HPSE2: variants seen among roughly 807,000 people sequenced by gnomAD.
The protein encoded by HPSE2 is heparanase 2 (inactive), also known as inactive heparanase-2.
In HPSE2, 38 loss-of-function variants were observed where a neutral mutation model predicts 60.5. The ratio of observed to expected loss-of-function variants is 0.63; its 90% CI spans 0.48 to 0.82. The LOEUF is 0.82. Among genes scored for constraint, HPSE2 ranks in the 40% least tolerant of loss-of-function variants. HPSE2 has a pLI of 0.00. For missense variants in HPSE2, 713 were observed against 740.4 expected (o/e 0.96, Z 0.43); for synonymous variants, 295 against 293.2 (o/e 1.01, Z -0.06).
At chr10:99,146,312 T>C (rs79086863) in intron 2 of HPSE2, among the ~76,000 whole-genome samples, 4 of 152,206 alleles carry the variant, frequency 2.6e-5, no homozygotes, top group Non-Finnish European at 5.9e-5. Context: ...TCATCTATTA[T>C]AGAGACTGAA....
At chr10:98,567,763 G>A (rs978516387) in intron 9 of HPSE2, among the ~76,000 whole-genome samples, 3 of 152,090 alleles carry the variant, frequency 2.0e-5, no homozygotes, top group African/African-American at 7.2e-5. Context: ...GTGTGTGTGT[G>A]TGTGTGTGTA....
intron 9 of HPSE2, among the ~76,000 whole-genome samples, chr10:98,531,709 T>C (rs1943136342): frequency 6.6e-6 from 1 of 152,166 alleles, no homozygotes. Flanking sequence ...TTTTTTGACC[T>C]CTATCCTGTG....
chr10:98,989,501 T>G (rs1280351921), intron 3 of HPSE2, among the ~76,000 whole-genome samples: 111 of 96,656 alleles, frequency 1.1e-3, no homozygotes, highest in Admixed American at 1.8e-3. Flanking sequence ...TGTTGTGGGG[T>G]GGGGGGAGGG....
intron 9 of HPSE2, among the ~76,000 whole-genome samples, chr10:98,570,114 C>T (rs1227786523): frequency 1.3e-5 from 2 of 152,200 alleles, no homozygotes. Context: ...GCAAAGGTTC[C>T]TCCTGGCAGG....
chr10:98,577,484 C>T (rs1589445459), intron 9 of HPSE2, among the ~76,000 whole-genome samples: 1 of 152,272 alleles, frequency 6.6e-6, no homozygotes, highest in East Asian at 1.9e-4. Context: ...TATGATATTA[C>T]CTAGCCCTAA....
At chr10:99,162,097 G>C (rs1352975393) in intron 2 of HPSE2, among the ~76,000 whole-genome samples, 1 of 152,096 alleles carries the variant, frequency 6.6e-6, no homozygotes, top group African/African-American at 2.4e-5. Context: ...TTCTGGAGAT[G>C]GATGGTGGCA....
At chr10:98,775,452 T>G (rs72836725) in intron 3 of HPSE2, among the ~76,000 whole-genome samples, 2,284 of 152,288 alleles carry the variant, frequency 0.015, 31 homozygotes, top group African/African-American at 0.03. Flanking sequence ...TGCCAGTTAT[T>G]CTCTAGTCTA....
chr10:98,685,652 T>A (rs1199349720), intron 6 of HPSE2, among the ~76,000 whole-genome samples: 1 of 152,224 alleles, frequency 6.6e-6, no homozygotes, highest in Admixed American at 6.5e-5. Context: ...ATTCTCCTTC[T>A]GATGAACACC....
intron 3 of HPSE2, among the ~76,000 whole-genome samples, chr10:98,866,376 A>G (rs1049540902): frequency 6.6e-6 from 1 of 152,080 alleles, no homozygotes; most frequent in African/African-American, 2.4e-5. Flanking sequence ...CAGCTCTGGG[A>G]CAACTTCAAG....
intron 8 of HPSE2, 54 bp from the exon 9 acceptor site, chr10:98,615,072 C>A (rs769675229): frequency 1.2e-5 from 16 of 1,303,032 alleles, no homozygotes; most frequent in Non-Finnish European, 1.6e-5. Context: ...TGGCATATAA[C>A]AAGCTCTATA....
intron 3 of HPSE2, among the ~76,000 whole-genome samples, chr10:99,026,059 G>A (rs1957370950): frequency 6.6e-6 from 1 of 151,930 alleles, no homozygotes; most frequent in South Asian, 2.1e-4. Flanking sequence ...AAAAAAAGAA[G>A]GAAGAGAACA....
At chr10:98,590,791 G>T (rs531028990) in intron 9 of HPSE2, among the ~76,000 whole-genome samples, 4 of 152,294 alleles carry the variant, frequency 2.6e-5, no homozygotes, top group African/African-American at 9.6e-5. Context: ...GAGCCAGACT[G>T]CCTGGATTTG....
At chr10:98,959,360 A>G (rs1368672509) in intron 3 of HPSE2, among the ~76,000 whole-genome samples, 2 of 107,346 alleles carry the variant, frequency 1.9e-5, no homozygotes, top group Admixed American at 1.9e-4. Flanking sequence ...TATCTCTGGA[A>G]AAAAAAAAAA....
At chr10:99,063,910 C>G (rs1033186822) in intron 3 of HPSE2, among the ~76,000 whole-genome samples, 3 of 151,988 alleles carry the variant, frequency 2.0e-5, no homozygotes, top group East Asian at 3.9e-4. Context: ...CTGGCCAACA[C>G]GGTGAAACCC....
intron 2 of HPSE2, among the ~76,000 whole-genome samples, chr10:99,185,691 G>A (rs1451166377): frequency 1.3e-5 from 2 of 151,436 alleles, no homozygotes; most frequent in Non-Finnish European, 2.9e-5. Flanking sequence ...GGAGAATGGC[G>A]TGAACCCGGG....
chr10:99,233,047 G>A (rs1403309258), intron 1 of HPSE2, among the ~76,000 whole-genome samples: 1 of 152,252 alleles, frequency 6.6e-6, no homozygotes. Context: ...CCCGGCGCCT[G>A]AGCTTAAGTG....
At chr10:99,002,799 T>C (rs1956805767) in intron 3 of HPSE2, among the ~76,000 whole-genome samples, 1 of 152,152 alleles carries the variant, frequency 6.6e-6, no homozygotes, top group Non-Finnish European at 1.5e-5. Context: ...AAAATACGTA[T>C]ACAAAATAAT....
chr10:99,084,555 G>A (rs907017483), intron 3 of HPSE2, among the ~76,000 whole-genome samples: 3 of 152,066 alleles, frequency 2.0e-5, no homozygotes, highest in Non-Finnish European at 2.9e-5. Context: ...TGCAAACAAC[G>A]CCACAGTGAG....
At chr10:98,945,503 G>A (rs1955154076) in intron 3 of HPSE2, among the ~76,000 whole-genome samples, 1 of 152,002 alleles carries the variant, frequency 6.6e-6, no homozygotes, top group Non-Finnish European at 1.5e-5. Flanking sequence ...TATAAATTAT[G>A]ATCCATCAAC....
Sources: allele counts gnomAD v4.1 joint callset (sites outside exome capture counted in the v4.1 genomes callset), GRCh38; gene constraint gnomAD v4.1.1; transcripts MANE v1.5; gene names NCBI Gene and HGNC (gene_info 2026-07-23, HGNC 2026-07-21).